The following PPP2R2B variants were observed in gnomAD, a reference collection of about 807,000 sequenced individuals.
PPP2R2B encodes the protein protein phosphatase 2 regulatory subunit Bbeta.
Under a neutral mutation model 46.0 loss-of-function variants are expected in PPP2R2B, and 5 were observed. That is an observed-to-expected ratio of 0.11 (90% CI 0.06 to 0.23). The LOEUF (loss-of-function observed/expected upper bound fraction) is 0.23. Ranked by LOEUF, PPP2R2B falls within the 10% of genes least tolerant of loss-of-function variation. The probability of loss-of-function intolerance (pLI) is 1.00; values close to 1 mark genes in which losing one functional copy is unlikely to be tolerated. For missense variants in PPP2R2B, 367 were observed against 575.0 expected, an observed-to-expected ratio of 0.64 and a Z score of 3.70; for synonymous variants, 215 against 206.7, an observed-to-expected ratio of 1.04 and a Z score of -0.34.
At chr5:146,976,434 G>A (rs1440571949) in intron 1 of PPP2R2B, among the ~76,000 whole-genome samples, 1 of 152,012 alleles carries the variant, frequency 6.6e-6, no homozygotes, top group Non-Finnish European at 1.5e-5. Flanking sequence ...ACCATGCCCG[G>A]CCAACAGTTT....
intron 2 of PPP2R2B, among the ~76,000 whole-genome samples, chr5:146,859,845 G>A (rs1212052018): frequency 6.6e-6 from 1 of 152,126 alleles, no homozygotes; most frequent in Non-Finnish European, 1.5e-5. Flanking sequence ...AGAGTAGAAC[G>A]TGGCCTATGT....
At chr5:146,684,866 A>C (rs151090353) in intron 5 of PPP2R2B, among the ~76,000 whole-genome samples, 88 of 152,302 alleles carry the variant, frequency 5.8e-4, no homozygotes, top group African/African-American at 2.0e-3. Flanking sequence ...GTCCAACTCA[A>C]ACCTTCTAAA....
chr5:146,799,620 C>G (rs938328277), intron 2 of PPP2R2B, among the ~76,000 whole-genome samples: 3 of 152,152 alleles, frequency 2.0e-5, no homozygotes, highest in African/African-American at 4.8e-5. Flanking sequence ...AAAAGAGATT[C>G]AGCAAGACTG....
chr5:146,994,679 C>T lies in PPP2R2B; in HGVS notation c.79+60986G>A, dbSNP rs530709627. On this transcript the variant is annotated intron_variant, in intron 1 of 8. Transcript: ENST00000336640. ...TTCCCTGGGGCCTATGACTCTCTGC[C>T]TCCAAGACCCGCTCTGCCCAACACT... 9.9e-5 allele frequency among the ~76,000 whole-genome samples: 15 copies of T among 152,240 alleles called. 1 individual carries two copies. In the South Asian group the frequency reaches 3.1e-3, roughly 32 times the overall value.
rs2151093872 is a variant in PPP2R2B, at chr5:146,650,531, C to T, written c.625+16G>A. Reference sequence around the variant, plus strand: ...TAATTCAGGCCAGTTGATTCTTGATCACAAAGAAAGGATACTAAAACTTTG... The same window carrying T: ...TAATTCAGGCCAGTTGATTCTTGATTACAAAGAAAGGATACTAAAACTTTG... On this transcript the variant is annotated intron_variant, in intron 6 of 9. Transcript: ENST00000394411. 6.2e-7 allele frequency: 1 copy of T among 1,606,798 alleles called. No individual in the cohort carries two copies. The highest frequency in any genetic ancestry group is 8.5e-7 in the Non-Finnish European group (1 of 1,175,430).
intron 2 of PPP2R2B, among the ~76,000 whole-genome samples, chr5:146,742,700 C>T (rs1415708976): frequency 6.6e-6 from 1 of 151,956 alleles, no homozygotes; most frequent in Non-Finnish European, 1.5e-5. Context: ...GAAGTTTTAA[C>T]CCCCAATATC....
At chr5:146,663,262 C>G (rs1320410789) in intron 5 of PPP2R2B, among the ~76,000 whole-genome samples, 2 of 152,110 alleles carry the variant, frequency 1.3e-5, no homozygotes, top group African/African-American at 4.8e-5. Context: ...AACTCTAAAC[C>G]ACTATACTAT....
rs972588750 is a variant in PPP2R2B, at chr5:146,637,457, C to T, written c.790+794G>A. 1.3e-5 allele frequency among the ~76,000 whole-genome samples: 2 copies of T among 152,212 alleles called. 1 individual carries two copies. The highest frequency in any genetic ancestry group is 4.1e-4 in the South Asian group (2 of 4,836). ...ATGTAGCGCAAGATTCAATGGTGTACTGTTAAGAAATGCTTATCTATATTA... is the reference window on the plus strand; with the variant it reads ...ATGTAGCGCAAGATTCAATGGTGTATTGTTAAGAAATGCTTATCTATATTA... On this transcript the variant is annotated intron_variant, in intron 7 of 9. Transcript: ENST00000394411.
chr5:147,065,820 C>T (rs1351434886), intron 2 of PPP2R2B, among the ~76,000 whole-genome samples: 1 of 152,080 alleles, frequency 6.6e-6, no homozygotes, highest in Non-Finnish European at 1.5e-5. Context: ...TTTACTACAG[C>T]CATTGCTACT....
At chr5:146,969,405 G>T (rs373639616) in intron 1 of PPP2R2B, among the ~76,000 whole-genome samples, 3 of 152,142 alleles carry the variant, frequency 2.0e-5, no homozygotes, top group African/African-American at 7.2e-5. Flanking sequence ...GATAAAATTG[G>T]GGGGAGGAGA....
At chr5:146,937,056 C>T (rs1191134695) in intron 1 of PPP2R2B, among the ~76,000 whole-genome samples, 1 of 152,132 alleles carries the variant, frequency 6.6e-6, no homozygotes, top group East Asian at 1.9e-4. Flanking sequence ...AATCCCAGCA[C>T]TTTGGGAAGC....
intron 2 of PPP2R2B, among the ~76,000 whole-genome samples, chr5:146,873,528 C>T (rs1303947023): frequency 6.6e-6 from 1 of 152,014 alleles, no homozygotes; most frequent in East Asian, 1.9e-4. Context: ...TTTTTTCCCC[C>T]AACATTTTAT....
chr5:146,898,928 C>T (rs1037725480), intron 1 of PPP2R2B, among the ~76,000 whole-genome samples: 1 of 140,422 alleles, frequency 7.1e-6, no homozygotes, highest in Non-Finnish European at 1.5e-5. Context: ...CAATGAGATA[C>T]CATCTCACAC....
At chr5:146,689,971 T>C (rs912147295) in intron 5 of PPP2R2B, among the ~76,000 whole-genome samples, 36 of 152,324 alleles carry the variant, frequency 2.4e-4, no homozygotes, top group Non-Finnish European at 1.5e-4. Context: ...ATTCAAAAAG[T>C]AACTGCTGAA....
chr5:146,975,677 C>T (rs1752865809), intron 1 of PPP2R2B, among the ~76,000 whole-genome samples: 1 of 152,190 alleles, frequency 6.6e-6, no homozygotes, highest in Non-Finnish European at 1.5e-5. Flanking sequence ...TAAATGACAG[C>T]CATCCTAATG....
At chr5:146,852,886 G>C (rs1760434091) in intron 2 of PPP2R2B, among the ~76,000 whole-genome samples, 1 of 152,142 alleles carries the variant, frequency 6.6e-6, no homozygotes, top group Admixed American at 6.6e-5. Context: ...GTATACCTGA[G>C]TGAACCTGAT....
chr5:146,665,579 T>C (rs1776935465), intron 5 of PPP2R2B, among the ~76,000 whole-genome samples: 2 of 152,236 alleles, frequency 1.3e-5, no homozygotes, highest in Non-Finnish European at 2.9e-5. Flanking sequence ...AAGGTTATTT[T>C]GCATTCTTAT....
intron 2 of PPP2R2B, among the ~76,000 whole-genome samples, chr5:146,709,620 T>A (rs962887835): frequency 6.6e-6 from 1 of 152,228 alleles, no homozygotes; most frequent in Admixed American, 6.5e-5. Flanking sequence ...GACTCTTCAT[T>A]GCTTCCTGCC....
At chr5:146,624,072 A>C (rs147767915) in intron 7 of PPP2R2B, among the ~76,000 whole-genome samples, 167 of 152,314 alleles carry the variant, frequency 1.1e-3, no homozygotes, top group African/African-American at 3.9e-3. Context: ...AAGAAAAAAA[A>C]CCAATCATTG....
Sources: gnomAD v4.1 joint callset for allele counts (sites outside exome capture counted in the v4.1 genomes callset) on GRCh38, gnomAD v4.1.1 for gene constraint, MANE v1.5 for transcripts, NCBI Gene and HGNC (gene_info 2026-07-23, HGNC 2026-07-21) for gene names.